The following OGFR variants were observed in gnomAD, a reference collection of about 807,000 sequenced individuals.
OGFR encodes protein 7-60.
A neutral mutation model predicts 33.6 loss-of-function variants in OGFR; 18 were observed. That is an observed-to-expected ratio of 0.54 (90% CI 0.37 to 0.80). The LOEUF is 0.80. Among genes scored for constraint, OGFR ranks in the 30% least tolerant of loss-of-function variants. The pLI is 0.00. For synonymous variants in OGFR, 370 were observed against 400.7 expected (o/e 0.92, Z 0.91); for missense variants, 877 against 955.8 (o/e 0.92, Z 1.09).
At chr20:62,809,788 C>T in intron 4 of OGFR, 125 bp downstream of exon 4, 1 of 766,356 alleles carries the variant, frequency 1.3e-6, no homozygotes. Flanking sequence ...TTCCTGGAAG[C>T]TGGTGTCCAC....
At chr20:62,811,259 G>C (rs1201072342) in intron 5 of OGFR, among the ~76,000 whole-genome samples, 1 of 152,180 alleles carries the variant, frequency 6.6e-6, no homozygotes, top group East Asian at 1.9e-4. Flanking sequence ...AGCTACTCGG[G>C]AGGCAGAGGT....
intron 4 of OGFR, 59 bp downstream of exon 4, chr20:62,809,722 C>T: frequency 7.5e-7 from 1 of 1,341,884 alleles, no homozygotes; most frequent in Non-Finnish European, 1.1e-6. Flanking sequence ...GAGGGCCCTC[C>T]CAGGCAGGAG....
chr20:62,811,638 C>A (rs1990730598), intron 6 of OGFR, 28 bp downstream of exon 6: 13 of 1,535,824 alleles, frequency 8.5e-6, no homozygotes, highest in South Asian at 2.5e-5. Context: ...CCGCCCACCC[C>A]CACCCCGGCG....
At position 62,812,125 on chromosome 20, in the gene OGFR, G is replaced by C. The variant is rs773569060; in HGVS notation, c.615-105G>C. The C allele has an allele frequency of 1.3e-4, 123 of 965,988 alleles. 1 individual carries two copies. Among genetic ancestry groups the C allele is most frequent in the Middle Eastern group, 1.0e-3 (4 of 4,010 alleles). 59.8% of individuals were successfully genotyped at this position (965,988 alleles called of 1,614,324 possible). ...GAGAGAGACTGAATCGTGGGCCAGG[G>C]TGGGGAGACCTCGTGGAGCCGGGTG... On this transcript the variant is annotated intron_variant, in intron 6 of 6. Transcript: ENST00000290291.
intron 1 of OGFR, chr20:62,807,296 C>T (rs1990617032): frequency 1.8e-6 from 1 of 555,590 alleles, no homozygotes; most frequent in African/African-American, 1.9e-5. Flanking sequence ...CCCCACCTGG[C>T]TACCGCAGCC....
chr20:62,810,216 C>T (rs1016570682), intron 4 of OGFR, among the ~76,000 whole-genome samples: 8 of 152,174 alleles, frequency 5.3e-5, no homozygotes, highest in Non-Finnish European at 1.0e-4. Context: ...AGGCCCTGTC[C>T]GCCCGGGCTG....
chr20:62,811,391 C>A, intron 5 of OGFR, 71 bp from the exon 6 acceptor site: 1 of 1,552,290 alleles, frequency 6.4e-7, no homozygotes, highest in Admixed American at 1.8e-5. Context: ...TCGGGACCCA[C>A]GGCCACCCCC....
rs372174132 is a variant in OGFR at position 62,813,013 on chromosome 20, G to A, written c.1398G>A (p.Gly466=). ...RKRRKVDEGA[G]DSAAVASGGA... is the part of the protein sequence containing the mutation. ...GGAGGAAGGTGGATGAGGGTGCTGGGGACAGTGCTGCGGTGGCCAGTGGTG... is the reference window on the plus strand; with the variant it reads ...GGAGGAAGGTGGATGAGGGTGCTGGAGACAGTGCTGCGGTGGCCAGTGGTG... Residue 466 remains glycine, a synonymous_variant, in exon 7 of 7, where the codon GGG becomes GGA. Coordinates refer to ENST00000290291, the MANE Select transcript of OGFR (RefSeq NM_007346.4). 3.7e-6 allele frequency: 6 copies of A among 1,608,104 alleles called. No individual in the cohort carries two copies. The African/African-American group carries it at 4.0e-5, about 11-fold the overall frequency.
intron 3 of OGFR, among the ~76,000 whole-genome samples, chr20:62,809,074 T>C (rs1285077390): frequency 6.6e-6 from 1 of 151,022 alleles, no homozygotes; most frequent in Non-Finnish European, 1.5e-5. Context: ...CACGGGCACG[T>C]GCCCACACCT....
intron 2 of OGFR, chr20:62,807,848 T>C (rs1990632114): frequency 5.0e-6 from 3 of 602,364 alleles, no homozygotes; most frequent in South Asian, 4.0e-5. Flanking sequence ...CTTGCAAACA[T>C]GGCCATAGTG....
Position 62,804,907 on chromosome 20 carries a change from T to TGCGGAGGACGCGGAGGAC in OGFR, c.50_67dup (p.Ala17_Asp22dup). 6.7e-7 allele frequency: 1 copy of TGCGGAGGACGCGGAGGAC among 1,494,492 alleles called. No individual in the cohort carries two copies. The highest frequency in any genetic ancestry group is 1.5e-5 in the African/African-American group (1 of 67,962). 92.6% of individuals were successfully genotyped at this position (1,494,492 alleles called of 1,614,324 possible). On this transcript the variant is annotated inframe_insertion, in exon 1 of 7. Transcript: ENST00000290291. ...CCACCTGGGAGGAGGACGAGGAGGATGCGGAGGACGCGGAGGACGAGGACT... is the reference window on the plus strand; with the variant it reads ...CCACCTGGGAGGAGGACGAGGAGGATGCGGAGGACGCGGAGGACGCGGAGGACGCGGAGGACGAGGACT...
At chr20:62,807,443 G>C in intron 1 of OGFR, 94 bp from the exon 2 acceptor site, 1 of 1,064,558 alleles carries the variant, frequency 9.4e-7, no homozygotes. Context: ...AGACAGCTCT[G>C]TGGCAGCTGG....
chr20:62,812,878 G>C lies in OGFR; in HGVS notation c.1263G>C (p.Gln421His), dbSNP rs1271065529. The C allele has an allele frequency of 1.9e-6, 3 of 1,612,524 alleles. No homozygotes were observed. The East Asian group carries it at 6.7e-5, about 36-fold the overall frequency. The change falls in exon 7 of 7, where the codon CAG (glutamine) becomes CAC (histidine). Residue 421 changes from glutamine (Q) to histidine (H), a missense_variant. This residue lies in a region of OGFR where 760 missense variants were observed against 736.0 expected (regional missense o/e 1.03). Transcript: ENST00000290291. ...ALNLEGCALS[Q>H]GSLRTGTQEV... Reference sequence around the variant, plus strand: ...ATTTGGAGGGGTGTGCCCTCAGCCAGGGCAGCCTCAGGACGGGGACCCAGG... The same window carrying C: ...ATTTGGAGGGGTGTGCCCTCAGCCACGGCAGCCTCAGGACGGGGACCCAGG...
rs1485029619 is a variant in OGFR at position 62,813,841 on chromosome 20, C to CAG, written c.*194_*195dup. On this transcript the variant is annotated 3_prime_UTR_variant, in exon 7 of 7. Coordinates refer to ENST00000290291, the MANE Select transcript of OGFR (RefSeq NM_007346.4). ...GGCCCTCAGGGAAGCCCAAGGCCTG[C>CAG]AGAAGCCTCCTGGCCTGGCTGTGTC... The CAG allele has an allele frequency of 4.7e-6, 3 of 640,298 alleles. No individual in the cohort carries two copies. The highest frequency in any genetic ancestry group is 8.1e-6 in the Non-Finnish European group (3 of 372,030). The allele number at this position is 640,298 out of a possible 1,614,324, so 39.7% of individuals were successfully genotyped here. A position where few individuals can be genotyped will look rare whatever the true frequency, so the allele number is the denominator to read the frequency against.
At chr20:62,808,111 G>T in intron 2 of OGFR, 136 bp from the exon 3 acceptor site, 1 of 764,828 alleles carries the variant, frequency 1.3e-6, no homozygotes, top group Admixed American at 1.9e-5. Flanking sequence ...CACCTGCAGA[G>T]TGAGGAGCCA....
At chr20:62,808,966 C>A (rs1990659777) in intron 3 of OGFR, among the ~76,000 whole-genome samples, 1 of 99,782 alleles carries the variant, frequency 1.0e-5, no homozygotes, top group Non-Finnish European at 1.8e-5. Flanking sequence ...CAGAATGAGA[C>A]TCTGTCTCAA....
chr20:62,807,268 C>T (rs1990616172), intron 1 of OGFR: 2 of 528,450 alleles, frequency 3.8e-6, no homozygotes, highest in Admixed American at 3.4e-5. Context: ...CCCAAAGGGG[C>T]CTAGAGAAGG....
chr20:62,808,806 T>C (rs962269459), intron 3 of OGFR, among the ~76,000 whole-genome samples: 5 of 151,858 alleles, frequency 3.3e-5, no homozygotes, highest in African/African-American at 1.2e-4. Context: ...ACCCTGTCTC[T>C]ACTAAAAATA....
At chr20:62,812,096 T>C (rs1030635906) in intron 6 of OGFR, 134 bp from the exon 7 acceptor site, 7 of 766,776 alleles carry the variant, frequency 9.1e-6, no homozygotes, top group African/African-American at 9.0e-5. Context: ...GAGAGGTAAA[T>C]GGAGAGAGAG....
Sources: allele counts gnomAD v4.1 joint callset (sites outside exome capture counted in the v4.1 genomes callset), GRCh38; gene constraint gnomAD v4.1.1; regional missense constraint gnomAD v4.1.1; transcripts MANE v1.5; gene names NCBI Gene and HGNC (gene_info 2026-07-23, HGNC 2026-07-21).